The following KIF16B variants were observed in gnomAD, a reference collection of about 807,000 sequenced individuals.
KIF16B encodes the protein kinesin-like protein KIF16B.
KIF16B carries 98 observed loss-of-function variants against 156.3 expected under a neutral mutation model. The observed-to-expected ratio is 0.63, with a 90% CI of 0.53 to 0.74. KIF16B has a LOEUF of 0.74. KIF16B is among the 30% of genes least tolerant of loss of function. The pLI is 0.00. For missense variants in KIF16B, 1,421 were observed against 1,606.5 expected (o/e 0.88, Z 1.97); for synonymous variants, 564 against 583.7 (o/e 0.97, Z 0.49).
rs755863533 is a variant in KIF16B, at chr20:16,506,209, G to C, written c.700-19C>G. ...ATTTAGCCTGTGGTAAAATAAAAAA[G>C]TAAAATTGAAGAGGTGCAAAGGGCC... On this transcript the variant is annotated intron_variant, in intron 7 of 25. Transcript: ENST00000354981. 7.4e-6 allele frequency: 12 copies of C among 1,611,830 alleles called. No individual in the cohort carries two copies. In the African/African-American group the frequency reaches 1.3e-4, roughly 18 times the overall value.
chr20:16,304,665 T>A lies in KIF16B; in HGVS notation c.3795+7670A>T, dbSNP rs147071815. On this transcript the variant is annotated intron_variant, in intron 25 of 25. Coordinates refer to ENST00000354981, the MANE Select transcript of KIF16B (RefSeq NM_024704.5). ...TTGATAATGGTTCTATTATTATATG[T>A]TTTGTAAGATCAGCAGAGAATAGAT... Among the ~76,000 whole-genome samples the A allele has an allele frequency of 3.3e-4, 50 of 152,356 alleles. 2 individuals carry two copies. The East Asian group carries it at 9.2e-3, about 28-fold the overall frequency.
At chr20:16,497,791 G>T in intron 10 of KIF16B, 113 bp from the exon 11 acceptor site, 1 of 790,592 alleles carries the variant, frequency 1.3e-6, no homozygotes, top group Non-Finnish European at 2.1e-6. Context: ...AAGGTAAAAA[G>T]CAATGTCCTA....
intron 1 of KIF16B, among the ~76,000 whole-genome samples, chr20:16,533,917 CTTCT>C (rs1379049683): frequency 3.3e-5 from 5 of 152,006 alleles, no homozygotes; most frequent in Non-Finnish European, 2.9e-5. Flanking sequence ...AACTTGCTTC[CTTCT>C]TTAAGCATAC....
chr20:16,556,384 C>A (rs1182490244), intron 1 of KIF16B, among the ~76,000 whole-genome samples: 3 of 152,192 alleles, frequency 2.0e-5, no homozygotes, highest in African/African-American at 7.2e-5. Context: ...AGGACTATGC[C>A]CACTGTGGCC....
intron 15 of KIF16B, among the ~76,000 whole-genome samples, chr20:16,410,299 ATG>A (rs35361828): frequency 0.044 from 6,203 of 141,376 alleles, 147 homozygotes; most frequent in East Asian, 0.074. Context: ...CTACATATAT[ATG>A]TGTGTGTGTG....
intron 11 of KIF16B, among the ~76,000 whole-genome samples, chr20:16,494,744 G>T (rs1352987736): frequency 6.6e-6 from 1 of 152,108 alleles, no homozygotes. Flanking sequence ...TTTCTAATTA[G>T]ATGTGATTAA....
intron 1 of KIF16B, among the ~76,000 whole-genome samples, chr20:16,551,130 T>TTC (rs1440390315): frequency 3.8e-5 from 4 of 105,008 alleles, no homozygotes; most frequent in African/African-American, 1.4e-4. Context: ...GGGCTTTCTC[T>TTC]TCTTTTTTTT....
chr20:16,317,293 G>A (rs1276437618), intron 24 of KIF16B, among the ~76,000 whole-genome samples: 3 of 152,166 alleles, frequency 2.0e-5, no homozygotes, highest in African/African-American at 7.2e-5. Flanking sequence ...TGTAGCCTCT[G>A]ACAAAGGAGA....
At chr20:16,522,076 T>A (rs779029662) in intron 3 of KIF16B, among the ~76,000 whole-genome samples, 5 of 152,046 alleles carry the variant, frequency 3.3e-5, no homozygotes, top group African/African-American at 1.2e-4. Context: ...CATACCAAAT[T>A]GTAAAGACCA....
intron 12 of KIF16B, among the ~76,000 whole-genome samples, chr20:16,474,363 T>C (rs1483315645): frequency 6.6e-6 from 1 of 152,256 alleles, no homozygotes. Context: ...AGGATTTTTA[T>C]GCAATTCCAA....
chr20:16,375,358 C>A (rs2064922080), intron 19 of KIF16B, among the ~76,000 whole-genome samples: 1 of 152,160 alleles, frequency 6.6e-6, no homozygotes, highest in Non-Finnish European at 1.5e-5. Flanking sequence ...GCTTCAGATG[C>A]CAACACACCA....
rs1226433743 is a variant in KIF16B, at chr20:16,379,853, T to G, written c.2149A>C (p.Asn717His). The change falls in exon 19 of 26, where the codon AAC becomes CAC. Residue 717 changes from asparagine (N) to histidine (H), a missense_variant. Transcript: ENST00000354981. ...TGAAACTTCTCAGCCTTCTCGTTGT[T>G]GTTGAGTTCTTTGAGTCGTTGGAGT... The part of the protein sequence containing the change: ...EELQRLKELN[N>H]NEKAEKFQIF... 1.2e-6 allele frequency: 2 copies of G among 1,614,238 alleles called. No individual in the cohort carries two copies. Among genetic ancestry groups the G allele is most frequent in the African/African-American group, 2.7e-5 (2 of 75,062 alleles).
At chr20:16,427,713 C>T (rs1422037867) in intron 14 of KIF16B, among the ~76,000 whole-genome samples, 1 of 152,066 alleles carries the variant, frequency 6.6e-6, no homozygotes. Flanking sequence ...CCAAGGTGAA[C>T]TTGGCATGAC....
In KIF16B at chr20:16,367,682, GAACTCCATTTGGCAA is replaced by G. The variant is rs754361637; in HGVS notation, c.3498+2889_3498+2903del. ...GTAGTCTGGAATTTGGATGACACCT[GAACTCCATTTGGCAA>G]AACTAAATCAGGGATTTCTGTTTTC... On this transcript the variant is annotated intron_variant, in intron 22 of 25. Transcript: ENST00000354981. 4 of 1,612,386 alleles carry G rather than the reference GAACTCCATTTGGCAA, an allele frequency of 2.5e-6. No homozygotes were observed. The African/African-American group carries it at 5.3e-5, about 22-fold the overall frequency.
In KIF16B at chr20:16,511,509, G is replaced by A. The variant is rs532249987; in HGVS notation, c.465C>T (p.Asn155=). ...GCCGAAGTAGATCTCTCACACGTTC[G>A]TTATAAATTTCTAAGTAGCTAAAAA... The part of the protein sequence containing the change: ...RTEVSYLEIY[N]ERVRDLLRRK... Residue 155 remains asparagine (N), a synonymous_variant, in exon 6 of 26, where the codon AAC becomes AAT. Transcript: ENST00000354981. 3.5e-5 allele frequency: 56 copies of A among 1,607,310 alleles called. No individual in the cohort carries two copies. In the Admixed American group the frequency reaches 5.0e-4, roughly 14 times the overall value.
At chr20:16,337,432 T>C (rs2064060442) in intron 23 of KIF16B, among the ~76,000 whole-genome samples, 1 of 152,218 alleles carries the variant, frequency 6.6e-6, no homozygotes, top group Non-Finnish European at 1.5e-5. Context: ...TATGAGGATG[T>C]ACATTTTTAA....
At chr20:16,385,618 C>T (rs2065212317) in intron 17 of KIF16B, among the ~76,000 whole-genome samples, 1 of 152,200 alleles carries the variant, frequency 6.6e-6, no homozygotes, top group Admixed American at 6.5e-5. Flanking sequence ...AGATGCCTGC[C>T]TGGCACCTGG....
At chr20:16,552,338 G>A (rs73102810) in intron 1 of KIF16B, among the ~76,000 whole-genome samples, 11,591 of 152,260 alleles carry the variant, frequency 0.076, 565 homozygotes, top group South Asian at 0.16. Context: ...ATCATATCAC[G>A]CTGAAGCCAG....
chr20:16,450,490 C>T (rs2146596918), intron 12 of KIF16B, among the ~76,000 whole-genome samples: 1 of 152,282 alleles, frequency 6.6e-6, no homozygotes, highest in East Asian at 1.9e-4. Context: ...AGCCAAGGAC[C>T]TGAGAACCCT....
Sources: allele counts gnomAD v4.1 joint callset (sites outside exome capture counted in the v4.1 genomes callset), GRCh38; gene constraint gnomAD v4.1.1; transcripts MANE v1.5; gene names NCBI Gene and HGNC (gene_info 2026-07-23, HGNC 2026-07-21).